Variants in NUFIP2 observed in about 807,000 individuals in gnomAD.
NUFIP2 encodes FMR1-interacting protein NUFIP2.
A neutral mutation model predicts 56.9 loss-of-function variants in NUFIP2; 6 were observed. That is an observed-to-expected ratio of 0.11 (90% CI 0.06 to 0.21). The LOEUF (loss-of-function observed/expected upper bound fraction) is 0.21. Among genes scored for constraint, NUFIP2 ranks in the 10% least tolerant of loss-of-function variants. The probability of loss-of-function intolerance (pLI) is 1.00; values close to 1 mark genes in which losing one functional copy is unlikely to be tolerated. For synonymous variants in NUFIP2, 321 were observed against 298.2 expected (o/e 1.08, Z -0.79); for missense variants, 828 against 826.8 (o/e 1.00, Z -0.02).
In NUFIP2 at chr17:29,255,867, G is replaced by A. The variant is rs1331243541; in HGVS notation, c.*8672C>T. On this transcript the variant is annotated 3_prime_UTR_variant, in exon 4 of 4. Transcript: ENST00000225388. ...ACTTTAAAATTTTTTATTCAACAAT[G>A]TACACTTATTGTCTCTCAATTTGAT... The A allele has an allele frequency of 6.6e-6, 1 of 152,074 alleles. No homozygotes were observed. The highest frequency in any genetic ancestry group is 1.5e-5 in the Non-Finnish European group (1 of 68,002). The allele number at this position is 152,074 out of a possible 1,614,324, so 9.4% of individuals were successfully genotyped here.
At position 29,293,989 on chromosome 17, in the gene NUFIP2, TGAG is replaced by T; in HGVS notation, c.68_70del (p.Pro23del). 2 of 1,611,910 alleles carry T rather than the reference TGAG, an allele frequency of 1.2e-6. No homozygotes were observed. Among genetic ancestry groups the T allele is most frequent in the African/African-American group, 2.7e-5 (2 of 74,904 alleles). On this transcript the variant is annotated inframe_deletion, in exon 1 of 4. Transcript: ENST00000225388. ...GTGGTGCGGCTGCTGCTGCTGCTGC[TGAG>T]GGTGATGGTGCGGATGGTGGTGGCT...
intron 2 of NUFIP2, among the ~76,000 whole-genome samples, chr17:29,282,619 C>T (rs1349828902): frequency 6.6e-6 from 1 of 151,492 alleles, no homozygotes; most frequent in South Asian, 2.1e-4. Context: ...AATAGTGCAC[C>T]ATTCTTAAAG....
chr17:29,267,749 A>G (rs1243584251), intron 2 of NUFIP2, among the ~76,000 whole-genome samples: 1 of 152,034 alleles, frequency 6.6e-6, no homozygotes, highest in Non-Finnish European at 1.5e-5. Context: ...TGCAGCCTCA[A>G]ACTCCCAGGC....
At position 29,286,645 on chromosome 17, in the gene NUFIP2, G is replaced by C. The variant is rs151310824; in HGVS notation, c.1349C>G (p.Thr450Arg). ...ACTCATGTCCTGGAGAACTGAATCT[G>C]TCCCAGAAGAGATGGGTGTTAGAGT... ...ANTLTPISSGTDSVLQDMSLT... is the reference protein window; with the variant it reads ...ANTLTPISSGRDSVLQDMSLT... Residue 450 changes from threonine to arginine, a missense_variant, in exon 2 of 4, where the codon ACA (threonine) becomes AGA (arginine). Transcript: ENST00000225388. 229 of 1,614,150 alleles carry C rather than the reference G, an allele frequency of 1.4e-4. 4 individuals are homozygous for C. The East Asian group carries it at 4.7e-3, about 33-fold the overall frequency.
chr17:29,286,236 A>C lies in NUFIP2; in HGVS notation c.1758T>G (p.Ser586Arg), dbSNP rs772914773. The change falls in exon 2 of 4, where the codon AGT (serine) becomes AGG (arginine). Residue 586 changes from serine to arginine, a missense_variant. This residue lies in a region of NUFIP2 where 404 missense variants were observed against 380.3 expected (regional missense o/e 1.06). Transcript: ENST00000225388. ...LGSILKSGTT[S>R]ESGALSLEPS... ...GTTCCAAGGATAAGGCTCCACTCTC[A>C]CTAGTAGTCCCAGATTTTAGAATGC... The C allele has an allele frequency of 1.9e-6, 3 of 1,614,104 alleles. No homozygotes were observed. In the Admixed American group the frequency reaches 5.0e-5, roughly 27 times the overall value.
intron 2 of NUFIP2, among the ~76,000 whole-genome samples, chr17:29,269,113 A>ATT (rs1035702529): frequency 1.3e-5 from 2 of 152,230 alleles, no homozygotes; most frequent in African/African-American, 4.8e-5. Flanking sequence ...GAAAGGAAAT[A>ATT]TTCTATCTGG....
At position 29,293,851 on chromosome 17, in the gene NUFIP2, G is replaced by C; in HGVS notation, c.209C>G (p.Pro70Arg). ...HGAEGSPKAQPKPLKHEQKHT... is the reference protein window; with the variant it reads ...HGAEGSPKAQRKPLKHEQKHT... ...TTTCTGCTCATGTTTCAGCGGCTTT[G>C]GCTGGGCCTTGGGGCTGCCCTCGGC... Residue 70 changes from proline (P) to arginine (R), a missense_variant, in exon 1 of 4, where the codon CCA (proline) becomes CGA (arginine). This residue lies in a region of NUFIP2 where 415 missense variants were observed against 408.7 expected (regional missense o/e 1.02). Coordinates refer to ENST00000225388, the MANE Select transcript of NUFIP2 (RefSeq NM_020772.3). 1 of 1,607,668 alleles carries C rather than the reference G, an allele frequency of 6.2e-7. No homozygotes were observed. Among genetic ancestry groups the C allele is most frequent in the Non-Finnish European group, 8.5e-7 (1 of 1,175,920 alleles).
chr17:29,264,452 G>T lies in NUFIP2; in HGVS notation c.*87C>A. The T allele has an allele frequency of 1.4e-6, 1 of 721,412 alleles. No individual in the cohort carries two copies. The highest frequency in any genetic ancestry group is 2.4e-6 in the Non-Finnish European group (1 of 416,900). 44.7% of individuals were successfully genotyped at this position (721,412 alleles called of 1,614,324 possible). On this transcript the variant is annotated 3_prime_UTR_variant, in exon 4 of 4. Coordinates refer to ENST00000225388, the MANE Select transcript of NUFIP2 (RefSeq NM_020772.3). ...CTACTTATGGTTCCTCTGCTGCGTT[G>T]AAGATCTAGGAGCATAAAAGCCTTG...
At chr17:29,270,927 T>G (rs973482915) in intron 2 of NUFIP2, among the ~76,000 whole-genome samples, 1 of 152,224 alleles carries the variant, frequency 6.6e-6, no homozygotes, top group Non-Finnish European at 1.5e-5. Flanking sequence ...ATCCCTGCAC[T>G]TTCCCCTTTT....
chr17:29,286,342 A>G lies in NUFIP2; in HGVS notation c.1652T>C (p.Ile551Thr). 5.0e-6 allele frequency: 8 copies of G among 1,614,142 alleles called. No individual in the cohort carries two copies. Among genetic ancestry groups the G allele is most frequent in the Non-Finnish European group, 6.8e-6 (8 of 1,180,016 alleles). Residue 551 changes from isoleucine (I) to threonine (T), a missense_variant, in exon 2 of 4, where the codon ATA becomes ACA. Physicochemically the swap from Ile to Thr is moderately conservative, Grantham distance 89 (BLOSUM62 -1). This residue lies in a region of NUFIP2 where 404 missense variants were observed against 380.3 expected (regional missense o/e 1.06). Transcript: ENST00000225388. The part of the protein sequence containing the change: ...PATLVSQGAE[I>T]IPSGTEHPVF... The stretch of plus-strand genomic sequence containing the variant: ...AGGATGCTCAGTTCCTGAGGGAATT[A>G]TTTCAGCACCCTGTGAAACCAAAGT...
At chr17:29,276,179 A>AT (rs2069107444) in intron 2 of NUFIP2, among the ~76,000 whole-genome samples, 1 of 152,092 alleles carries the variant, frequency 6.6e-6, no homozygotes, top group Non-Finnish European at 1.5e-5. Flanking sequence ...CAACAGATTA[A>AT]TTAGATAACT....
chr17:29,266,134 GCTAA>G (rs980810914), intron 3 of NUFIP2, among the ~76,000 whole-genome samples: 5 of 152,140 alleles, frequency 3.3e-5, no homozygotes, highest in African/African-American at 9.7e-5. Context: ...ACCACGCCTG[GCTAA>G]CTGTTTTAAT....
At chr17:29,293,246 G>A (rs548566149) in intron 1 of NUFIP2, among the ~76,000 whole-genome samples, 2 of 151,322 alleles carry the variant, frequency 1.3e-5, no homozygotes, top group South Asian at 4.2e-4. Context: ...CCCCCCCACC[G>A]AGACGGGGAG....
intron 2 of NUFIP2, among the ~76,000 whole-genome samples, chr17:29,268,570 C>A (rs528529275): frequency 6.6e-6 from 1 of 151,926 alleles, no homozygotes; most frequent in African/African-American, 2.4e-5. Context: ...CAGGCTGGAG[C>A]GCAATGGCAC....
intron 2 of NUFIP2, among the ~76,000 whole-genome samples, chr17:29,268,042 G>T (rs372956694): frequency 6.6e-6 from 1 of 152,068 alleles, no homozygotes; most frequent in African/African-American, 2.4e-5. Context: ...GGGATTACAG[G>T]TGCCCGCCAC....
intron 3 of NUFIP2, among the ~76,000 whole-genome samples, chr17:29,266,279 T>C (rs189672254): frequency 2.0e-5 from 3 of 152,038 alleles, no homozygotes; most frequent in East Asian, 1.9e-4. Flanking sequence ...CAGGGTGTAT[T>C]TTCTAGTCTA....
At chr17:29,292,362 G>C (rs2069219754) in intron 1 of NUFIP2, among the ~76,000 whole-genome samples, 1 of 151,050 alleles carries the variant, frequency 6.6e-6, no homozygotes, top group Non-Finnish European at 1.5e-5. Context: ...CCCAAGCTCA[G>C]AAGGTAAGTG....
chr17:29,265,745 CTGGTCACCCAATGGAAAATTT>C (rs2069032450), intron 3 of NUFIP2, among the ~76,000 whole-genome samples: 1 of 130,680 alleles, frequency 7.7e-6, no homozygotes, highest in Non-Finnish European at 1.6e-5. Flanking sequence ...GTCAATACAA[CTGGTCACCCAATGGAAAATTT>C]TAAAGGCCTG....
At chr17:29,292,884 G>GGGA (rs2069225827) in intron 1 of NUFIP2, among the ~76,000 whole-genome samples, 1 of 141,172 alleles carries the variant, frequency 7.1e-6, no homozygotes, top group Admixed American at 6.9e-5. Context: ...CCGGCGACGG[G>GGGA]GGGGGGGGCG....
Sources: allele counts gnomAD v4.1 joint callset (sites outside exome capture counted in the v4.1 genomes callset), GRCh38; gene constraint gnomAD v4.1.1; regional missense constraint gnomAD v4.1.1; transcripts MANE v1.5; gene names NCBI Gene and HGNC (gene_info 2026-07-23, HGNC 2026-07-21).